The following ADGRB3 variants were observed in gnomAD, a reference collection of about 807,000 sequenced individuals.
The protein encoded by ADGRB3 is adhesion G protein-coupled receptor B3.
In ADGRB3, 37 loss-of-function variants were observed where a neutral mutation model predicts 193.4. That is an observed-to-expected ratio of 0.19 (90% CI 0.15 to 0.25). The LOEUF (loss-of-function observed/expected upper bound fraction) is 0.25, where lower values mean the gene tolerates loss of function less well. Among genes scored for constraint, ADGRB3 ranks in the 10% least tolerant of loss-of-function variants. The pLI is 1.00. For missense variants in ADGRB3, 1,637 were observed against 1,852.9 expected (o/e 0.88, Z 2.14); for synonymous variants, 690 against 644.2 (o/e 1.07, Z -1.08).
At chr6:69,355,914 A>G (rs571435853) in intron 28 of ADGRB3, 54 bp downstream of exon 28, 19 of 1,398,770 alleles carry the variant, frequency 1.4e-5, no homozygotes, top group South Asian at 2.4e-5. Flanking sequence ...AATCATTTCT[A>G]TAGATTTTAA....
At position 69,235,113 on chromosome 6, in the gene ADGRB3, G is replaced by A; in HGVS notation, c.2689G>A (p.Val897Ile). 1 of 1,610,172 alleles carries A rather than the reference G, an allele frequency of 6.2e-7. No individual in the cohort carries two copies. Among genetic ancestry groups the A allele is most frequent in the South Asian group, 1.1e-5 (1 of 90,994 alleles). ...TTGCTTGGCCTTGATTACCCTAGCA[G>A]TTGTCTATGCAGCATTATGGAGGTA... ...LSCLALITLA[V>I]VYAALWRYIR... is the part of the protein sequence containing the mutation. The change falls in exon 19 of 32, where the codon GTT (valine) becomes ATT (isoleucine). Residue 897 changes from valine (V) to isoleucine (I), a missense_variant. Physicochemically the swap from Val to Ile is conservative, Grantham distance 29. Coordinates refer to ENST00000370598, the MANE Select transcript of ADGRB3 (RefSeq NM_001704.3).
At chr6:69,302,745 A>T (rs1168307418) in intron 20 of ADGRB3, among the ~76,000 whole-genome samples, 3 of 151,976 alleles carry the variant, frequency 2.0e-5, no homozygotes, top group Non-Finnish European at 4.4e-5. Context: ...GCTATTGAAG[A>T]TGCCATCATT....
chr6:69,239,191 C>A lies in ADGRB3; in HGVS notation c.2779C>A (p.Leu927Ile). ...FCLSIISSNI[L>I]ILVGQTQTHN... ...CCTGTCTATCATCTCATCCAATATC[C>A]TCATACTGGTTGGACAGACTCAGAC... is the stretch of plus-strand genomic sequence containing the variant. The change falls in exon 20 of 32, where the codon CTC (leucine) becomes ATC (isoleucine). Residue 927 changes from leucine to isoleucine, a missense_variant. By Grantham distance (5) the Leu-to-Ile change is conservative (BLOSUM62 2). Transcript: ENST00000370598. 6.3e-7 allele frequency: 1 copy of A among 1,596,640 alleles called. No homozygotes were observed. Among genetic ancestry groups the A allele is most frequent in the Non-Finnish European group, 8.6e-7 (1 of 1,164,938 alleles).
At chr6:69,322,258 G>C (rs1369059301) in intron 20 of ADGRB3, among the ~76,000 whole-genome samples, 2 of 151,764 alleles carry the variant, frequency 1.3e-5, no homozygotes, top group African/African-American at 4.8e-5. Flanking sequence ...TATCATTGTT[G>C]GGCATTTGGG....
At chr6:68,667,801 A>G (rs1482773343) in intron 3 of ADGRB3, among the ~76,000 whole-genome samples, 1 of 151,926 alleles carries the variant, frequency 6.6e-6, no homozygotes, top group Non-Finnish European at 1.5e-5. Flanking sequence ...ATCATGTGAT[A>G]TACTTTGGCC....
At chr6:69,228,237 A>G (rs545877855) in intron 17 of ADGRB3, among the ~76,000 whole-genome samples, 2 of 152,370 alleles carry the variant, frequency 1.3e-5, no homozygotes, top group South Asian at 4.1e-4. Context: ...AGCCTGGACA[A>G]CAGAGCAAGA....
At chr6:69,146,668 T>C (rs899905670) in intron 17 of ADGRB3, among the ~76,000 whole-genome samples, 1 of 152,246 alleles carries the variant, frequency 6.6e-6, no homozygotes, top group African/African-American at 2.4e-5. Flanking sequence ...CCTCCCACAC[T>C]GCAGCCAGCA....
intron 3 of ADGRB3, among the ~76,000 whole-genome samples, chr6:68,916,640 G>A (rs191794884): frequency 1.6e-4 from 25 of 152,294 alleles, no homozygotes; most frequent in Admixed American, 5.2e-4. Context: ...GTATTTGATA[G>A]TCGGGAAGGG....
chr6:69,368,881 T>C (rs1403808588), intron 29 of ADGRB3, among the ~76,000 whole-genome samples: 1 of 152,034 alleles, frequency 6.6e-6, no homozygotes, highest in Non-Finnish European at 1.5e-5. Context: ...GAATACAAGT[T>C]GAGATGAGTT....
chr6:68,645,743 G>A (rs1308861686), intron 3 of ADGRB3, among the ~76,000 whole-genome samples: 1 of 152,096 alleles, frequency 6.6e-6, no homozygotes, highest in Non-Finnish European at 1.5e-5. Context: ...CGTGATCTAG[G>A]CTCACTGCAA....
chr6:69,233,299 T>C lies in ADGRB3; in HGVS notation c.2490T>C (p.Ser830=). The C allele has an allele frequency of 1.2e-6, 2 of 1,613,824 alleles. No individual in the cohort carries two copies. The highest frequency in any genetic ancestry group is 1.7e-6 in the Non-Finnish European group (2 of 1,179,906). ...VLWDDSKTNE[S]LGTWSTQGCK... is the part of the protein sequence containing the mutation. Reference sequence around the variant, plus strand: ...TCACTCCCCTTTGCAGGAACGAGTCTTTGGGAACGTGGTCCACCCAGGGAT... The same window carrying C: ...TCACTCCCCTTTGCAGGAACGAGTCCTTGGGAACGTGGTCCACCCAGGGAT... Residue 830 remains serine (S), a synonymous_variant, in exon 18 of 32, where the codon TCT becomes TCC. Coordinates refer to ENST00000370598, the MANE Select transcript of ADGRB3 (RefSeq NM_001704.3).
intron 3 of ADGRB3, among the ~76,000 whole-genome samples, chr6:68,680,299 T>A (rs547591290): frequency 6.7e-6 from 1 of 150,268 alleles, no homozygotes; most frequent in African/African-American, 2.5e-5. Context: ...AACCAATACA[T>A]TAAGGAACAG....
At chr6:68,864,418 G>A (rs1765235794) in intron 3 of ADGRB3, among the ~76,000 whole-genome samples, 1 of 152,156 alleles carries the variant, frequency 6.6e-6, no homozygotes, top group Non-Finnish European at 1.5e-5. Flanking sequence ...CAATGAGTTG[G>A]AGGAAAAGTG....
At chr6:69,265,852 T>C (rs191382073) in intron 20 of ADGRB3, among the ~76,000 whole-genome samples, 32 of 151,988 alleles carry the variant, frequency 2.1e-4, no homozygotes, top group African/African-American at 7.0e-4. Context: ...AGTAATAACT[T>C]GCTCATCTGT....
At chr6:69,158,435 C>CAAAAA in intron 17 of ADGRB3, among the ~76,000 whole-genome samples, 1 of 146,324 alleles carries the variant, frequency 6.8e-6, no homozygotes, top group Non-Finnish European at 1.5e-5. Context: ...AAAGTTCAGC[C>CAAAAA]AAAAAAAAAA....
intron 3 of ADGRB3, among the ~76,000 whole-genome samples, chr6:68,746,092 T>G (rs1766078243): frequency 6.6e-6 from 1 of 152,110 alleles, no homozygotes; most frequent in Non-Finnish European, 1.5e-5. Flanking sequence ...TTTTCCCATT[T>G]TTAAATGTTA....
chr6:68,911,583 A>G (rs1462070268), intron 3 of ADGRB3, among the ~76,000 whole-genome samples: 4 of 152,298 alleles, frequency 2.6e-5, no homozygotes, highest in Middle Eastern at 3.4e-3. Flanking sequence ...GAGGTTTAAC[A>G]ATTAAAAAGA....
chr6:68,712,748 T>G (rs958019876), intron 3 of ADGRB3, among the ~76,000 whole-genome samples: 7 of 151,900 alleles, frequency 4.6e-5, no homozygotes, highest in African/African-American at 7.2e-5. Context: ...ATAAACACTT[T>G]CAATTTTTAT....
At chr6:69,107,407 T>G (rs1773245286) in intron 17 of ADGRB3, among the ~76,000 whole-genome samples, 1 of 152,192 alleles carries the variant, frequency 6.6e-6, no homozygotes, top group African/African-American at 2.4e-5. Context: ...ATCAAATATT[T>G]ATTGAGTGCC....
Sources: gnomAD v4.1 joint callset for allele counts (sites outside exome capture counted in the v4.1 genomes callset) on GRCh38, gnomAD v4.1.1 for gene constraint, MANE v1.5 for transcripts, NCBI Gene and HGNC (gene_info 2026-07-23, HGNC 2026-07-21) for gene names.